The following CASC3 variants were observed in gnomAD, a reference collection of about 807,000 sequenced individuals.
The protein encoded by CASC3 is CASC3 exon junction complex subunit, also known as protein CASC3.
CASC3 carries 30 observed loss-of-function variants against 80.5 expected under a neutral mutation model. The ratio of observed to expected loss-of-function variants is 0.37; its 90% CI spans 0.28 to 0.51. The LOEUF is 0.51. CASC3 is among the 20% of genes least tolerant of loss of function. CASC3 has a pLI of 0.94. For synonymous variants in CASC3, 312 were observed against 333.6 expected (o/e 0.94, Z 0.70); for missense variants, 824 against 922.2 (o/e 0.89, Z 1.38).
At position 40,171,776 on chromosome 17, in the gene CASC3, C is replaced by T; in HGVS notation, c.*1371C>T. The T allele has an allele frequency of 8.6e-7, 1 of 1,160,732 alleles. No individual in the cohort carries two copies. The highest frequency in any genetic ancestry group is 6.0e-5 in the East Asian group (1 of 16,720). 71.9% of individuals were successfully genotyped at this position (1,160,732 alleles called of 1,614,324 possible). ...CTGAGGGCAAAGATGGTGGCTGTGT[C>T]TCTCCCCGGTAATGTCACTGTTTTT... On this transcript the variant is annotated 3_prime_UTR_variant, in exon 14 of 14. Coordinates refer to ENST00000264645, the MANE Select transcript of CASC3 (RefSeq NM_007359.5).
In CASC3 at chr17:40,170,678, A is replaced by G. The variant is rs955584607; in HGVS notation, c.*273A>G. On this transcript the variant is annotated 3_prime_UTR_variant, in exon 14 of 14. Coordinates refer to ENST00000264645, the MANE Select transcript of CASC3 (RefSeq NM_007359.5). The stretch of plus-strand genomic sequence containing the variant: ...GAGCAGAGAGAGCCAGACAGCCCCA[A>G]GCTTCTGAGTCTAGATACAGAAGCC... 5 of 985,568 alleles carry G rather than the reference A, an allele frequency of 5.1e-6. No individual in the cohort carries two copies. The highest frequency in any genetic ancestry group is 4.8e-6 in the Non-Finnish European group (4 of 829,946). The allele number at this position is 985,568 out of a possible 1,614,324, so 61.1% of individuals were successfully genotyped here.
At chr17:40,149,356 A>G (rs1988940282) in intron 3 of CASC3, among the ~76,000 whole-genome samples, 1 of 151,158 alleles carries the variant, frequency 6.6e-6, no homozygotes, top group South Asian at 2.1e-4. Context: ...TGAACTTACA[A>G]TCCTCATCAG....
intron 4 of CASC3, 42 bp downstream of exon 4, chr17:40,161,953 G>A: frequency 6.2e-7 from 1 of 1,612,936 alleles, no homozygotes; most frequent in Non-Finnish European, 8.5e-7. Flanking sequence ...GGCTGGAATA[G>A]AGATTCTTGA....
At position 40,167,558 on chromosome 17, in the gene CASC3, C is replaced by A; in HGVS notation, c.1597C>A (p.Pro533Thr). 1.2e-6 allele frequency: 2 copies of A among 1,613,928 alleles called. No homozygotes were observed. Among genetic ancestry groups the A allele is most frequent in the African/African-American group, 2.7e-5 (2 of 74,988 alleles). The change falls in exon 9 of 14, where the codon CCC becomes ACC. Residue 533 changes from proline to threonine, a missense_variant. By Grantham distance (38) the Pro-to-Thr change is conservative. This residue lies in a region of CASC3 where 464 missense variants were observed against 506.0 expected (regional missense o/e 0.92). Coordinates refer to ENST00000264645, the MANE Select transcript of CASC3 (RefSeq NM_007359.5). Reference sequence around the variant, plus strand: ...CCAGCGGCAAAGACCTGTGCCAGAGCCCCCCGCCCCTCCAGTGCATATCAG... The same window carrying A: ...CCAGCGGCAAAGACCTGTGCCAGAGACCCCCGCCCCTCCAGTGCATATCAG... ...SSQRQRPVPE[P>T]PAPPVHISIM...
chr17:40,151,153 C>A (rs917989748), intron 3 of CASC3, among the ~76,000 whole-genome samples: 3 of 151,980 alleles, frequency 2.0e-5, no homozygotes, highest in Non-Finnish European at 4.4e-5. Flanking sequence ...GAGGAATGGT[C>A]GGCCCAGGAG....
intron 3 of CASC3, among the ~76,000 whole-genome samples, chr17:40,151,103 G>A (rs1472742755): frequency 6.6e-6 from 1 of 152,120 alleles, no homozygotes; most frequent in African/African-American, 2.4e-5. Flanking sequence ...AATTTAGCCA[G>A]GTGCGTGCCT....
chr17:40,163,997 A>AC lies in CASC3; in HGVS notation c.1304dup (p.Pro436SerfsTer12). On this transcript the variant is annotated frameshift_variant, in exon 7 of 14. Coordinates refer to ENST00000264645, the MANE Select transcript of CASC3 (RefSeq NM_007359.5). LOFTEE classifies it high-confidence loss of function. The stretch of plus-strand genomic sequence containing the variant: ...CTCCTCCTGAAGGACTGATTCCAGC[A>AC]CCTCCAGTCCCAGAAACCACCCCAA... 1.9e-6 allele frequency: 3 copies of AC among 1,613,970 alleles called. No homozygotes were observed. The highest frequency in any genetic ancestry group is 2.5e-6 in the Non-Finnish European group (3 of 1,179,996).
chr17:40,141,518 CA>C, intron 2 of CASC3, 51 bp from the exon 3 acceptor site: 3 of 1,531,166 alleles, frequency 2.0e-6, no homozygotes, highest in Non-Finnish European at 1.8e-6. Context: ...AATAAGCAGC[CA>C]AAAAATGTTT....
Position 40,168,228 on chromosome 17 carries a change from T to A in CASC3, c.1776T>A (p.Ala592=). The change falls in exon 11 of 14, where the codon GCT becomes GCA. Residue 592 remains alanine, a synonymous_variant. Transcript: ENST00000264645. The part of the protein sequence containing the change: ...HPGLHPHQTP[A]PLPNPGLYPP... ...GTTTACATCCCCACCAGACACCAGC[T>A]CCTCTGCCCAATCCAGGCCTCTATC... 1.9e-6 allele frequency: 3 copies of A among 1,614,080 alleles called. No homozygotes were observed. Among genetic ancestry groups the A allele is most frequent in the Non-Finnish European group, 2.5e-6 (3 of 1,179,994 alleles).
At chr17:40,144,880 A>G (rs1377437857) in intron 3 of CASC3, among the ~76,000 whole-genome samples, 1 of 142,958 alleles carries the variant, frequency 7.0e-6, no homozygotes, top group African/African-American at 2.6e-5. Context: ...TTTTTTATTG[A>G]GATGGAGTAT....
intron 3 of CASC3, among the ~76,000 whole-genome samples, chr17:40,150,084 T>C (rs1988961481): frequency 6.6e-6 from 1 of 151,772 alleles, no homozygotes. Context: ...TTTTGTGAAA[T>C]AGAAGGATAG....
intron 6 of CASC3, among the ~76,000 whole-genome samples, chr17:40,163,270 G>A (rs774451515): frequency 3.9e-5 from 6 of 151,980 alleles, no homozygotes; most frequent in Non-Finnish European, 8.8e-5. Context: ...GAGTAGCCAG[G>A]ATTACAGGCG....
chr17:40,162,633 T>A, intron 5 of CASC3, 92 bp from the exon 6 acceptor site: 1 of 1,183,198 alleles, frequency 8.5e-7, no homozygotes, highest in Non-Finnish European at 1.2e-6. Context: ...AAGTTCCTAT[T>A]GTCCCCCTGC....
At chr17:40,164,773 T>TTTTG (rs1301765156) in intron 7 of CASC3, among the ~76,000 whole-genome samples, 17 of 143,292 alleles carry the variant, frequency 1.2e-4, no homozygotes, top group Admixed American at 9.9e-4. Context: ...TTTTTTTTTT[T>TTTTG]GTGACAGAGA....
chr17:40,153,585 C>G (rs1158647657), intron 3 of CASC3, among the ~76,000 whole-genome samples: 1 of 152,046 alleles, frequency 6.6e-6, no homozygotes, highest in African/African-American at 2.4e-5. Context: ...CATACTGTTT[C>G]CAAGGTGCTG....
chr17:40,163,619 T>G lies in CASC3; in HGVS notation c.924T>G (p.Ser308=). ...ATGCTGCAGGTACCGGCCGTATGTC[T>G]GCACCCAGGAATTATTCTCGATCTG... ...NRNAAGTGRM[S]APRNYSRSGG... Residue 308 remains serine (S), a synonymous_variant, in exon 7 of 14, where the codon TCT becomes TCG. Transcript: ENST00000264645. The G allele has an allele frequency of 6.2e-7, 1 of 1,614,210 alleles. No individual in the cohort carries two copies. The highest frequency in any genetic ancestry group is 8.5e-7 in the Non-Finnish European group (1 of 1,180,042).
At chr17:40,160,247 C>T (rs984994783) in intron 3 of CASC3, among the ~76,000 whole-genome samples, 1 of 152,154 alleles carries the variant, frequency 6.6e-6, no homozygotes, top group Non-Finnish European at 1.5e-5. Flanking sequence ...AATCCCAGCC[C>T]TTTGGGAGGC....
Position 40,169,396 on chromosome 17 carries a change from C to A in CASC3, c.2038C>A (p.Pro680Thr). 1 of 1,612,328 alleles carries A rather than the reference C, an allele frequency of 6.2e-7. No individual in the cohort carries two copies. Among genetic ancestry groups the A allele is most frequent in the Non-Finnish European group, 8.5e-7 (1 of 1,179,242 alleles). ...AQQQVQPKPS[P>T]PRRTPQPVTI... ...GCAGCAGGTGCAGCCAAAGCCCTCCCCACCCCGGAGGACTCCCCAGCCAGT... is the reference window on the plus strand; with the variant it reads ...GCAGCAGGTGCAGCCAAAGCCCTCCACACCCCGGAGGACTCCCCAGCCAGT... Residue 680 changes from proline (P) to threonine (T), a missense_variant, in exon 12 of 14, where the codon CCA becomes ACA. Physicochemically the swap from Pro to Thr is conservative, Grantham distance 38 (BLOSUM62 -1). This residue lies in a region of CASC3 where 464 missense variants were observed against 506.0 expected (regional missense o/e 0.92). Transcript: ENST00000264645.
chr17:40,169,742 C>CTTTTTTTTTTTTT lies in CASC3; in HGVS notation c.*41+99_*41+111dup, dbSNP rs56186811. 16 of 91,830 alleles carry CTTTTTTTTTTTTT rather than the reference C, an allele frequency of 1.7e-4. 5 individuals carry two copies. Among genetic ancestry groups the CTTTTTTTTTTTTT allele is most frequent in the African/African-American group, 1.2e-3 (14 of 11,712 alleles). 5.7% of individuals were successfully genotyped at this position (91,830 alleles called of 1,614,324 possible). ...ATAAACAAAAATCACTTAATTAATGCTTTTTTTTTTTTTTTTTTTTTTTTT... is the reference window on the plus strand; with the variant it reads ...ATAAACAAAAATCACTTAATTAATGCTTTTTTTTTTTTTTTTTTTTTTTTTTTTTTTTTTTTTT... On this transcript the variant is annotated intron_variant, in intron 13 of 13. Transcript: ENST00000264645.
Sources: gnomAD v4.1 joint callset for allele counts (sites outside exome capture counted in the v4.1 genomes callset) on GRCh38, gnomAD v4.1.1 for gene constraint, gnomAD v4.1.1 regional missense constraint, MANE v1.5 for transcripts, NCBI Gene and HGNC (gene_info 2026-07-23, HGNC 2026-07-21) for gene names.